Variants in MAGI2 observed in about 807,000 individuals in gnomAD.
MAGI2 encodes membrane associated guanylate kinase, WW and PDZ domain containing 2, also known as membrane-associated guanylate kinase, WW and PDZ domain-containing protein 2.
In MAGI2, 35 loss-of-function variants were observed where a neutral mutation model predicts 133.3. The observed-to-expected ratio is 0.26, with a 90% CI of 0.20 to 0.35. The LOEUF is 0.35. Among genes scored for constraint, MAGI2 ranks in the 10% least tolerant of loss-of-function variants. The probability of loss-of-function intolerance (pLI) is 1.00; values close to 1 mark genes in which losing one functional copy is unlikely to be tolerated. For synonymous variants in MAGI2, 729 were observed against 710.6 expected, an observed-to-expected ratio of 1.03 and a Z score of -0.41; for missense variants, 1,636 against 1,863.4, an observed-to-expected ratio of 0.88 and a Z score of 2.25.
chr7:78,454,009 C>T (rs1178928238), intron 6 of MAGI2, among the ~76,000 whole-genome samples: 2 of 152,000 alleles, frequency 1.3e-5, no homozygotes, highest in Non-Finnish European at 2.9e-5. Context: ...ACCTATCACC[C>T]AACACATTTA....
At chr7:78,947,217 A>G (rs887510102) in intron 2 of MAGI2, among the ~76,000 whole-genome samples, 1 of 152,084 alleles carries the variant, frequency 6.6e-6, no homozygotes, top group African/African-American at 2.4e-5. Flanking sequence ...TCACTCTAAG[A>G]ACAGGTACCA....
At chr7:79,301,852 G>A (rs1008449036) in intron 1 of MAGI2, among the ~76,000 whole-genome samples, 1 of 152,162 alleles carries the variant, frequency 6.6e-6, no homozygotes, top group South Asian at 2.1e-4. Flanking sequence ...TCATGGCTTG[G>A]TGCTGTCTTC....
intron 2 of MAGI2, among the ~76,000 whole-genome samples, chr7:78,713,114 C>T (rs372953706): frequency 1.1e-4 from 16 of 152,090 alleles, no homozygotes; most frequent in African/African-American, 3.9e-4. Flanking sequence ...TGTTTGAAAG[C>T]CTGTGATTTT....
chr7:78,973,184 C>A (rs1803937248), intron 2 of MAGI2, among the ~76,000 whole-genome samples: 1 of 151,828 alleles, frequency 6.6e-6, no homozygotes, highest in Non-Finnish European at 1.5e-5. Flanking sequence ...AAAATATAAT[C>A]TGTACAGAAG....
chr7:78,019,574 C>G lies in MAGI2; in HGVS notation c.4109G>C (p.Arg1370Pro), dbSNP rs794727360. ...GCAGAGCTCGGAGCCCGCCGCCGCACGGGGCGCCTCCTTCCCGCCCGCCCG... is the reference window on the plus strand; with the variant it reads ...GCAGAGCTCGGAGCCCGCCGCCGCAGGGGGCGCCTCCTTCCCGCCCGCCCG... ...AARAGGKEAP[R>P]AAAGSELCRR... is the part of the protein sequence containing the mutation. Residue 1370 changes from arginine to proline, a missense_variant, in exon 22 of 22, where the codon CGT (arginine) becomes CCT (proline). Arg to Pro is a moderately radical substitution (Grantham distance 103, BLOSUM62 -2). Around this residue, in one of 5 missense-constraint regions of MAGI2, gnomAD observed 354 missense variants for 298.7 expected, o/e 1.19. Coordinates refer to ENST00000354212, the MANE Select transcript of MAGI2 (RefSeq NM_012301.4). 2.8e-4 allele frequency: 278 copies of G among 980,352 alleles called. No homozygotes were observed. Among genetic ancestry groups the G allele is most frequent in the Non-Finnish European group, 3.0e-4 (252 of 828,116 alleles). The allele number at this position is 980,352 out of a possible 1,614,324, so 60.7% of individuals were successfully genotyped here. A position where few individuals can be genotyped will look rare whatever the true frequency, so the allele number is the denominator to read the frequency against.
In MAGI2 at chr7:79,381,941, A is replaced by G. The variant is rs116286020; in HGVS notation, c.301+71079T>C. 6.4e-3 allele frequency among the ~76,000 whole-genome samples: 975 copies of G among 151,824 alleles called. 7 individuals carry two copies. The highest frequency in any genetic ancestry group is 0.022 in the African/African-American group (918 of 41,498). On this transcript the variant is annotated intron_variant, in intron 1 of 21. Coordinates refer to ENST00000354212, the MANE Select transcript of MAGI2 (RefSeq NM_012301.4). ...TAGAAATTTTCATAATATTTGTCTG[A>G]GCTCCTCACTTATTAGTTATTTTCT... is the stretch of plus-strand genomic sequence containing the variant.
intron 2 of MAGI2, among the ~76,000 whole-genome samples, chr7:78,913,885 G>A (rs967628302): frequency 1.3e-5 from 2 of 152,156 alleles, no homozygotes; most frequent in Non-Finnish European, 1.5e-5. Flanking sequence ...TCCCAGATCA[G>A]TATCACCTGG....
At chr7:79,062,709 ACC>A (rs1337969051) in intron 1 of MAGI2, among the ~76,000 whole-genome samples, 1 of 150,984 alleles carries the variant, frequency 6.6e-6, no homozygotes, top group African/African-American at 2.4e-5. Context: ...GCATCCATGC[ACC>A]TCCATGCCAG....
At chr7:78,275,257 T>G (rs1011308148) in intron 9 of MAGI2, among the ~76,000 whole-genome samples, 1 of 152,186 alleles carries the variant, frequency 6.6e-6, no homozygotes, top group Non-Finnish European at 1.5e-5. Context: ...CTGCTTTGGC[T>G]TGCCCTCTGT....
chr7:79,052,707 G>A (rs1213931475), intron 1 of MAGI2, among the ~76,000 whole-genome samples: 3 of 151,934 alleles, frequency 2.0e-5, no homozygotes, highest in Non-Finnish European at 2.9e-5. Flanking sequence ...ACCAAAAATT[G>A]GTCTATCTTT....
chr7:78,822,797 T>C (rs907124073), intron 2 of MAGI2, among the ~76,000 whole-genome samples: 2 of 152,118 alleles, frequency 1.3e-5, no homozygotes, highest in Non-Finnish European at 2.9e-5. Context: ...GGAATGCAAA[T>C]GCTAAGTTTT....
chr7:78,979,259 C>T (rs933435298), intron 2 of MAGI2, among the ~76,000 whole-genome samples: 1 of 151,640 alleles, frequency 6.6e-6, no homozygotes, highest in Non-Finnish European at 1.5e-5. Context: ...GAACCAGGAC[C>T]CTTTGGAGAA....
chr7:78,615,556 G>A (rs1230837204), intron 3 of MAGI2: 2 of 152,322 alleles, frequency 1.3e-5, no homozygotes, highest in East Asian at 3.9e-4. Flanking sequence ...CCAGCCAAAA[G>A]GGAACAGATC....
chr7:78,191,578 GTTGA>G, intron 12 of MAGI2, among the ~76,000 whole-genome samples: 1 of 152,252 alleles, frequency 6.6e-6, no homozygotes, highest in Non-Finnish European at 1.5e-5. Flanking sequence ...ATATATTCTT[GTTGA>G]TTGATGTGGA....
At chr7:79,439,244 C>T (rs181746194) in intron 1 of MAGI2, among the ~76,000 whole-genome samples, 165 of 152,240 alleles carry the variant, frequency 1.1e-3, no homozygotes, top group African/African-American at 3.7e-3. Flanking sequence ...GCTCCACTTG[C>T]TATCTTCCAT....
At chr7:79,083,994 T>C (rs922971921) in intron 1 of MAGI2, among the ~76,000 whole-genome samples, 73 of 151,790 alleles carry the variant, frequency 4.8e-4, no homozygotes, top group African/African-American at 1.7e-3. Context: ...TATCTTTGAG[T>C]TTGGTAATGA....
chr7:79,069,693 A>T (rs1187077691), intron 1 of MAGI2, among the ~76,000 whole-genome samples: 1 of 152,172 alleles, frequency 6.6e-6, no homozygotes, highest in Admixed American at 6.5e-5. Flanking sequence ...CAGTTTCTTC[A>T]TAGCATTGAT....
chr7:78,329,157 G>A (rs1056371775), intron 9 of MAGI2, among the ~76,000 whole-genome samples: 1 of 152,142 alleles, frequency 6.6e-6, no homozygotes, highest in Non-Finnish European at 1.5e-5. Flanking sequence ...TCCTCAGCTG[G>A]AGCATATGAG....
intron 1 of MAGI2, among the ~76,000 whole-genome samples, chr7:79,433,722 A>C (rs2129189041): frequency 6.6e-6 from 1 of 152,278 alleles, no homozygotes; most frequent in Admixed American, 6.5e-5. Flanking sequence ...TAAATTCAGC[A>C]ATGTTTGTAT....
Sources: allele counts gnomAD v4.1 joint callset (sites outside exome capture counted in the v4.1 genomes callset), GRCh38; gene constraint gnomAD v4.1.1; regional missense constraint gnomAD v4.1.1; transcripts MANE v1.5; gene names NCBI Gene and HGNC (gene_info 2026-07-23, HGNC 2026-07-21).